Variants in NWD2 observed in about 807,000 individuals in gnomAD.
NWD2 encodes the protein NACHT and WD repeat domain containing 2, also known as NACHT and WD repeat domain-containing protein 2.
A neutral mutation model predicts 132.7 loss-of-function variants in NWD2; 37 were observed. The ratio of observed to expected loss-of-function variants is 0.28; its 90% CI spans 0.21 to 0.37. The LOEUF is 0.37. Ranked by LOEUF, NWD2 falls within the 10% of genes least tolerant of loss-of-function variation. The pLI is 1.00. For missense variants in NWD2, 1,592 were observed against 2,122.4 expected, an observed-to-expected ratio of 0.75 and a Z score of 4.91; for synonymous variants, 705 against 803.0, an observed-to-expected ratio of 0.88 and a Z score of 2.06.
intron 1 of NWD2, among the ~76,000 whole-genome samples, chr4:37,308,958 T>C (rs1577663122): frequency 6.6e-6 from 1 of 151,962 alleles, no homozygotes; most frequent in African/African-American, 2.4e-5. Context: ...ACTTCTGTAG[T>C]GGGAAGGGCC....
chr4:37,325,922 T>C lies in NWD2; in HGVS notation c.152-14T>C, dbSNP rs1320775774. The C allele has an allele frequency of 3.3e-6, 5 of 1,502,070 alleles. No individual in the cohort carries two copies. Among genetic ancestry groups the C allele is most frequent in the Non-Finnish European group, 4.5e-6 (5 of 1,105,676 alleles). The allele number at this position is 1,502,070 out of a possible 1,614,324, so 93.0% of individuals were successfully genotyped here. On this transcript the variant is annotated splice_polypyrimidine_tract_variant and intron_variant, in intron 1 of 6. Transcript: ENST00000309447. Reference sequence around the variant, plus strand: ...GACATACTCACTTCCTGTGTGTTTGTCTTTCTACTACAGATACGGGAGCAG... The same window carrying C: ...GACATACTCACTTCCTGTGTGTTTGCCTTTCTACTACAGATACGGGAGCAG...
intron 3 of NWD2, among the ~76,000 whole-genome samples, chr4:37,383,217 T>TCTAA (rs1720491396): frequency 6.6e-6 from 1 of 152,222 alleles, no homozygotes; most frequent in South Asian, 2.1e-4. Context: ...TCTTCCCTTA[T>TCTAA]CTAACACATA....
intron 1 of NWD2, among the ~76,000 whole-genome samples, chr4:37,293,754 CG>C (rs1718415539): frequency 6.6e-6 from 1 of 152,016 alleles, no homozygotes; most frequent in African/African-American, 2.4e-5. Flanking sequence ...TTACTAATGA[CG>C]TTAAGGATTT....
At chr4:37,258,803 C>A (rs958961837) in intron 1 of NWD2, among the ~76,000 whole-genome samples, 1 of 152,184 alleles carries the variant, frequency 6.6e-6, no homozygotes, top group East Asian at 1.9e-4. Context: ...GAAACTCATT[C>A]TCTGTCCCTT....
intron 3 of NWD2, among the ~76,000 whole-genome samples, chr4:37,374,434 T>TG (rs1440453620): frequency 2.0e-5 from 3 of 152,048 alleles, no homozygotes; most frequent in African/African-American, 7.2e-5. Flanking sequence ...CTAATACAGG[T>TG]GGATTGCAGG....
At chr4:37,369,298 A>T (rs567169190) in intron 3 of NWD2, among the ~76,000 whole-genome samples, 1 of 152,148 alleles carries the variant, frequency 6.6e-6, no homozygotes, top group African/African-American at 2.4e-5. Flanking sequence ...TTTAAGGTAT[A>T]TAAGTGCAGT....
intron 1 of NWD2, among the ~76,000 whole-genome samples, chr4:37,278,908 C>T (rs935844900): frequency 6.6e-6 from 1 of 152,126 alleles, no homozygotes; most frequent in African/African-American, 2.4e-5. Context: ...CATACTCAAC[C>T]CCCTGTAGAA....
In NWD2 at chr4:37,448,100, G is replaced by C. The variant is rs1278396560; in HGVS notation, c.*883G>C. On this transcript the variant is annotated 3_prime_UTR_variant, in exon 7 of 7. Transcript: ENST00000309447. ...AACAGAAGTCTGTACTATTTGGTCA[G>C]TTTGTATGGAAGCATAAATATTCCC... 6.6e-6 allele frequency: 1 copy of C among 152,166 alleles called. No homozygotes were observed. Among genetic ancestry groups the C allele is most frequent in the African/African-American group, 2.4e-5 (1 of 41,446 alleles). The allele number at this position is 152,166 out of a possible 1,614,324, so 9.4% of individuals were successfully genotyped here. A position where few individuals can be genotyped will look rare whatever the true frequency, so the allele number is the denominator to read the frequency against.
chr4:37,306,777 C>T (rs1283950032), intron 1 of NWD2, among the ~76,000 whole-genome samples: 1 of 152,166 alleles, frequency 6.6e-6, no homozygotes, highest in Non-Finnish European at 1.5e-5. Context: ...AATCCCAGCA[C>T]ATTTGGAGGC....
intron 3 of NWD2, among the ~76,000 whole-genome samples, chr4:37,392,928 C>A (rs903353826): frequency 6.6e-6 from 1 of 152,192 alleles, no homozygotes; most frequent in Non-Finnish European, 1.5e-5. Flanking sequence ...CTCTCATTCA[C>A]CCTAGGATGT....
At chr4:37,262,198 T>A (rs1266193400) in intron 1 of NWD2, among the ~76,000 whole-genome samples, 1 of 152,188 alleles carries the variant, frequency 6.6e-6, no homozygotes, top group African/African-American at 2.4e-5. Context: ...GCCAGCATGT[T>A]ATCTCATTGT....
In NWD2 at chr4:37,353,109, T is replaced by G. The variant is rs575854948; in HGVS notation, c.241-3257T>G. Among the ~76,000 whole-genome samples, 48 of 152,350 alleles carry G rather than the reference T, an allele frequency of 3.2e-4. No individual in the cohort carries two copies. The South Asian group carries it at 9.7e-3, about 31-fold the overall frequency. On this transcript the variant is annotated intron_variant, in intron 2 of 6. Transcript: ENST00000309447. ...AAAGGATTTTATTTCTCCTTTCTTA[T>G]GAAGGTTAGTTTGGCTGGATATGAA...
At chr4:37,253,001 A>ACCC (rs11315442) in intron 1 of NWD2, among the ~76,000 whole-genome samples, 49 of 136,522 alleles carry the variant, frequency 3.6e-4, no homozygotes, top group African/African-American at 1.2e-3. Context: ...AATTACCACA[A>ACCC]CCCCCCCCCC....
intron 1 of NWD2, among the ~76,000 whole-genome samples, chr4:37,314,950 G>A (rs1718929217): frequency 1.3e-5 from 2 of 152,074 alleles, no homozygotes; most frequent in Non-Finnish European, 2.9e-5. Flanking sequence ...CTTTTAGCGT[G>A]TGCTTTTATT....
intron 3 of NWD2, among the ~76,000 whole-genome samples, chr4:37,365,009 A>G (rs1018400383): frequency 6.6e-6 from 1 of 152,186 alleles, no homozygotes; most frequent in Non-Finnish European, 1.5e-5. Flanking sequence ...CTAACATTCT[A>G]TTTTTGTATA....
chr4:37,442,919 C>T (rs915431909), intron 6 of NWD2, among the ~76,000 whole-genome samples: 1 of 151,738 alleles, frequency 6.6e-6, no homozygotes, highest in African/African-American at 2.4e-5. Flanking sequence ...AACAACTGCA[C>T]CAGGAAATGG....
chr4:37,325,825 A>T, intron 1 of NWD2, 111 bp from the exon 2 acceptor site: 1 of 630,226 alleles, frequency 1.6e-6, no homozygotes, highest in Non-Finnish European at 2.8e-6. Context: ...ACAATCCAGC[A>T]CCTCAACTTG....
chr4:37,350,315 A>C (rs1291112962), intron 2 of NWD2, among the ~76,000 whole-genome samples: 1 of 152,174 alleles, frequency 6.6e-6, no homozygotes, highest in Non-Finnish European at 1.5e-5. Context: ...CCTATCCATG[A>C]GCATGGGATG....
At chr4:37,302,682 T>TG (rs1718633309) in intron 1 of NWD2, among the ~76,000 whole-genome samples, 2 of 152,182 alleles carry the variant, frequency 1.3e-5, no homozygotes, top group South Asian at 4.1e-4. Context: ...AATGTCTCAC[T>TG]GTGGTTTTGA....
Sources: allele counts gnomAD v4.1 joint callset (sites outside exome capture counted in the v4.1 genomes callset), GRCh38; gene constraint gnomAD v4.1.1; transcripts MANE v1.5; gene names NCBI Gene and HGNC (gene_info 2026-07-23, HGNC 2026-07-21).